Variants in LINGO2 observed in about 807,000 individuals in gnomAD.
LINGO2 encodes the protein leucine rich repeat and Ig domain containing 2.
A neutral mutation model predicts 30.6 loss-of-function variants in LINGO2; 14 were observed. The observed-to-expected ratio is 0.46, with a 90% CI of 0.30 to 0.72. The LOEUF is 0.72. Ranked by LOEUF, LINGO2 falls within the 30% of genes least tolerant of loss-of-function variation. The pLI is 0.07. For missense variants in LINGO2, 729 were observed against 751.7 expected (o/e 0.97, Z 0.35); for synonymous variants, 317 against 288.5 (o/e 1.10, Z -1.00).
At chr9:28,189,307 G>A (rs1290292926) in intron 4 of LINGO2, among the ~76,000 whole-genome samples, 1 of 38,844 alleles carries the variant, frequency 2.6e-5, no homozygotes, top group Non-Finnish European at 5.6e-5. Context: ...AAGGAAGGGA[G>A]GAAGGAAGGA....
In LINGO2 at chr9:28,466,965, G is replaced by T. The variant is rs369717740; in HGVS notation, c.-279+8975C>A. Among the ~76,000 whole-genome samples, 4 of 151,398 alleles carry T rather than the reference G, an allele frequency of 2.6e-5. No homozygotes were observed. In the East Asian group the frequency reaches 7.9e-4, roughly 30 times the overall value. On this transcript the variant is annotated intron_variant, in intron 2 of 5. Coordinates refer to ENST00000379992, the Ensembl canonical transcript of LINGO2. The stretch of plus-strand genomic sequence containing the variant: ...CTTAATCCAAACTAACTCTGCTGAT[G>T]AGATACAAAGGCAAAGTGGGTGGAT...
intron 5 of LINGO2, among the ~76,000 whole-genome samples, chr9:27,968,042 A>G (rs190142324): frequency 6.6e-6 from 1 of 152,254 alleles, no homozygotes; most frequent in Admixed American, 6.5e-5. Flanking sequence ...TTCTGTCCAA[A>G]AAAGAGTAGA....
At chr9:28,134,231 A>T (rs1827452347) in intron 4 of LINGO2, among the ~76,000 whole-genome samples, 1 of 152,074 alleles carries the variant, frequency 6.6e-6, no homozygotes. Flanking sequence ...CCCATTTTTC[A>T]CTTAGCAGCC....
At chr9:28,039,638 G>C (rs10491827) in intron 4 of LINGO2, among the ~76,000 whole-genome samples, 1 of 151,950 alleles carries the variant, frequency 6.6e-6, no homozygotes, top group East Asian at 1.9e-4. Context: ...ATATGCTGTT[G>C]ACCACTGAGA....
chr9:28,284,076 G>A (rs1294598241), intron 4 of LINGO2, among the ~76,000 whole-genome samples: 2 of 152,046 alleles, frequency 1.3e-5, no homozygotes, highest in African/African-American at 4.8e-5. Context: ...GACTCTGCTT[G>A]GCTTTCAATC....
the LINGO2 span, among the ~76,000 whole-genome samples, chr9:28,962,538 C>A: frequency 2.2e-3 from 339 of 151,936 alleles, 1 homozygote; most frequent in African/African-American, 7.9e-3. Context: ...TTTTCTCTTT[C>A]TTTATAATGT....
intron 1 of LINGO2, among the ~76,000 whole-genome samples, chr9:28,498,139 C>G (rs1283267618): frequency 6.6e-6 from 1 of 152,166 alleles, no homozygotes; most frequent in Non-Finnish European, 1.5e-5. Flanking sequence ...TGACCATTCT[C>G]AGATCTCAAA....
At chr9:28,268,354 T>C (rs1822826525) in intron 4 of LINGO2, among the ~76,000 whole-genome samples, 1 of 152,044 alleles carries the variant, frequency 6.6e-6, no homozygotes, top group South Asian at 2.1e-4. Context: ...ATAGAAAAGC[T>C]TATAAGGCAG....
At chr9:27,953,580 A>G (rs185318355) in intron 5 of LINGO2, among the ~76,000 whole-genome samples, 2 of 152,228 alleles carry the variant, frequency 1.3e-5, no homozygotes, top group East Asian at 3.9e-4. Flanking sequence ...TCTTGTGATA[A>G]TGAGAGTTCT....
chr9:28,317,636 C>T (rs13440316), intron 3 of LINGO2, among the ~76,000 whole-genome samples: 7,488 of 143,358 alleles, frequency 0.052, 246 homozygotes, highest in South Asian at 0.14. Context: ...TCTGAAAAAA[C>T]AGAGTGTTAA....
intron 1 of LINGO2, among the ~76,000 whole-genome samples, chr9:28,636,604 T>C (rs1378905603): frequency 1.3e-5 from 2 of 152,228 alleles, no homozygotes; most frequent in Non-Finnish European, 1.5e-5. Flanking sequence ...ATTGTGTCTG[T>C]TGGCTGCATA....
chr9:29,199,956 T>C, the LINGO2 span, among the ~76,000 whole-genome samples: 1 of 151,968 alleles, frequency 6.6e-6, no homozygotes, highest in African/African-American at 2.4e-5. Flanking sequence ...AAAAAAAAGC[T>C]TCAAAGTGAA....
intron 4 of LINGO2, among the ~76,000 whole-genome samples, chr9:28,073,348 C>T (rs1825535752): frequency 6.6e-6 from 1 of 152,070 alleles, no homozygotes; most frequent in Non-Finnish European, 1.5e-5. Context: ...GTAGGGATAC[C>T]ATGAGTTCCT....
intron 5 of LINGO2, among the ~76,000 whole-genome samples, chr9:28,003,356 T>TG: frequency 7.6e-6 from 1 of 132,092 alleles, no homozygotes; most frequent in South Asian, 2.3e-4. Flanking sequence ...GATAGATAGA[T>TG]AGATAGATAG....
chr9:29,205,745 C>G, the LINGO2 span, among the ~76,000 whole-genome samples: 1 of 152,148 alleles, frequency 6.6e-6, no homozygotes, highest in Admixed American at 6.5e-5. Context: ...CCACATAATT[C>G]AAACACCATG....
intron 4 of LINGO2, among the ~76,000 whole-genome samples, chr9:28,038,292 T>C (rs974265352): frequency 5.3e-5 from 8 of 152,034 alleles, no homozygotes; most frequent in Non-Finnish European, 1.0e-4. Context: ...GGGCCTCTAA[T>C]GAGAAAAAAG....
chr9:28,714,011 T>C, the LINGO2 span, among the ~76,000 whole-genome samples: 10 of 151,450 alleles, frequency 6.6e-5, no homozygotes, highest in Non-Finnish European at 1.3e-4. Flanking sequence ...TAGAAAAATT[T>C]AGCCGGGCCT....
chr9:28,596,108 G>A (rs1188528220), intron 1 of LINGO2, among the ~76,000 whole-genome samples: 1 of 152,162 alleles, frequency 6.6e-6, no homozygotes, highest in Non-Finnish European at 1.5e-5. Flanking sequence ...CCTAATGATA[G>A]CATATACTTG....
intron 4 of LINGO2, among the ~76,000 whole-genome samples, chr9:28,108,429 G>C (rs894065025): frequency 6.6e-6 from 1 of 152,122 alleles, no homozygotes; most frequent in African/African-American, 2.4e-5. Context: ...GGAAGATGCA[G>C]TGTGAAATTT....
Sources: gnomAD v4.1 joint callset for allele counts (sites outside exome capture counted in the v4.1 genomes callset) on GRCh38, gnomAD v4.1.1 for gene constraint, MANE v1.5 for transcripts, NCBI Gene and HGNC (gene_info 2026-07-23, HGNC 2026-07-21) for gene names.